The following SH2D6 variants were observed in gnomAD, a reference collection of about 807,000 sequenced individuals.
SH2D6 encodes SH2 domain containing 6.
In SH2D6, 31 loss-of-function variants were observed where a neutral mutation model predicts 30.2. The ratio of observed to expected loss-of-function variants is 1.03; its 90% CI spans 0.77 to 1.38. SH2D6 has a LOEUF of 1.38. SH2D6 is among the 40% of genes most tolerant of loss of function. The pLI, the probability that SH2D6 is intolerant of heterozygous loss-of-function variation, is 0.00. For missense variants in SH2D6, 240 were observed against 266.8 expected (o/e 0.90, Z 0.70); for synonymous variants, 93 against 104.6 (o/e 0.89, Z 0.68).
chr2:85,430,573 GCTGCCC>G lies in SH2D6; in HGVS notation c.173_178del (p.Leu58_Pro59del), dbSNP rs1274960921. On this transcript the variant is annotated inframe_deletion, in exon 12 of 24. Coordinates refer to ENST00000469800, the MANE Select transcript of SH2D6 (RefSeq NM_001394463.1). The surrounding 1 kb of genome is among the most constrained non-coding windows in gnomAD (Gnocchi z 4.3). ...AGGACGAGGAGGAAAATAAGTATGA[GCTGCCC>G]CCCTGTGAGGCTCTGCCCCTCAGTC... is the stretch of plus-strand genomic sequence containing the variant. 6.5e-6 allele frequency: 1 copy of G among 153,224 alleles called. No individual in the cohort carries two copies. The highest frequency in any genetic ancestry group is 1.5e-5 in the Non-Finnish European group (1 of 68,532). The allele number at this position is 153,224 out of a possible 1,614,324, so 9.5% of individuals were successfully genotyped here.
At chr2:85,423,037 G>A (rs1042198010) in intron 5 of SH2D6, among the ~76,000 whole-genome samples, 2 of 152,046 alleles carry the variant, frequency 1.3e-5, no homozygotes, top group African/African-American at 4.8e-5. Context: ...ACAGGCGCGT[G>A]CCACCACGTC....
At chr2:85,426,446 C>T (rs980041413) in intron 6 of SH2D6, among the ~76,000 whole-genome samples, 7 of 152,128 alleles carry the variant, frequency 4.6e-5, no homozygotes, top group Non-Finnish European at 1.0e-4. Flanking sequence ...TAAGGCCGTA[C>T]TCTAATCTTC....
At chr2:85,428,474 TTTAGGGAGGTCA>T (rs1325373732) in intron 6 of SH2D6, 98 bp from the exon 7 acceptor site, 15 of 152,224 alleles carry the variant, frequency 9.9e-5, no homozygotes, top group African/African-American at 3.6e-4. Context: ...AGATAGGGTC[TTTAGGGAGGTCA>T]TTAAGAATAA....
intron 5 of SH2D6, among the ~76,000 whole-genome samples, chr2:85,423,569 G>A (rs1374735348): frequency 7.9e-5 from 12 of 152,182 alleles, no homozygotes; most frequent in Admixed American, 7.9e-4. Flanking sequence ...CCACTGCCAG[G>A]GGAGACAGAG....
chr2:85,434,406 G>A (rs1246648195), intron 18 of SH2D6, 36 bp downstream of exon 18: 1 of 1,550,586 alleles, frequency 6.4e-7, no homozygotes, highest in South Asian at 1.2e-5. Flanking sequence ...AGAGAGGGAG[G>A]CAGGGAGGGA....
chr2:85,434,210 G>C, intron 17 of SH2D6, 99 bp downstream of exon 17: 1 of 1,521,378 alleles, frequency 6.6e-7, no homozygotes, highest in Admixed American at 2.0e-5. Flanking sequence ...CCCTGGGATG[G>C]AATCTCCTTG....
Position 85,436,517 on chromosome 2 carries a change from C to T in SH2D6, c.943C>T (p.Pro315Ser). The T allele has an allele frequency of 6.2e-7, 1 of 1,613,794 alleles. No homozygotes were observed. The highest frequency in any genetic ancestry group is 1.1e-5 in the South Asian group (1 of 91,090). ...CCAGCACTTCATGTGGCACCCTCTGCCCCTTGTGGACAGACACAGCGGCAG... is the reference window on the plus strand; with the variant it reads ...CCAGCACTTCATGTGGCACCCTCTGTCCCTTGTGGACAGACACAGCGGCAG... Reference protein sequence around the residue: ...MVQHFMWHPLPLVDRHSGSRE... With the variant: ...MVQHFMWHPLSLVDRHSGSRE... Residue 315 changes from proline (P) to serine (S), a missense_variant, in exon 23 of 24, where the codon CCC (proline) becomes TCC (serine). Pro to Ser is a moderately conservative substitution (Grantham distance 74). Transcript: ENST00000469800.
At chr2:85,431,503 G>T (rs939390672) in intron 13 of SH2D6, among the ~76,000 whole-genome samples, 2 of 151,988 alleles carry the variant, frequency 1.3e-5, no homozygotes, top group Admixed American at 1.3e-4. Flanking sequence ...CTTCACCCAC[G>T]GTGCCCTTCT....
chr2:85,419,519 G>A (rs1430514324), intron 2 of SH2D6, among the ~76,000 whole-genome samples: 1 of 152,176 alleles, frequency 6.6e-6, no homozygotes, highest in Non-Finnish European at 1.5e-5. Context: ...TCTTTCCAGA[G>A]GCCTCTTCTC....
intron 14 of SH2D6, among the ~76,000 whole-genome samples, chr2:85,432,297 G>A (rs1270749869): frequency 1.3e-5 from 2 of 151,554 alleles, no homozygotes; most frequent in African/African-American, 4.9e-5. Context: ...ACCCATGCTG[G>A]AGTGCAGTGG....
At chr2:85,434,260 T>G (rs1365056636) in intron 17 of SH2D6, 80 bp from the exon 18 acceptor site, 9 of 1,515,100 alleles carry the variant, frequency 5.9e-6, no homozygotes, top group Non-Finnish European at 8.0e-6. Context: ...CAGGGGCAGC[T>G]TGGAATGCTG....
intron 5 of SH2D6, among the ~76,000 whole-genome samples, 165 bp downstream of exon 5, chr2:85,422,855 CAG>C (rs1227880002): frequency 6.6e-6 from 1 of 152,200 alleles, no homozygotes; most frequent in Non-Finnish European, 1.5e-5. Flanking sequence ...TCCGGAAAAA[CAG>C]AGACAAACTA....
intron 16 of SH2D6, 91 bp downstream of exon 16, chr2:85,433,722 T>C: frequency 1.0e-6 from 1 of 995,000 alleles, no homozygotes. Context: ...TCTGCTTCCC[T>C]TGCTGCCTCT....
chr2:85,429,913 GA>G (rs1267443240), intron 9 of SH2D6, 67 bp from the exon 10 acceptor site: 3 of 152,732 alleles, frequency 2.0e-5, no homozygotes, highest in African/African-American at 4.8e-5. Flanking sequence ...GAATGTCCCA[GA>G]ACACAGCGTC....
rs950295074 is a variant in SH2D6, at chr2:85,422,598, G to A, written c.-401G>A. ...GAAGCATTTGGTTTCTGTTCAAGGAGCCATGAGGAGTCACTCAAGGGTTTT... is the reference window on the plus strand; with the variant it reads ...GAAGCATTTGGTTTCTGTTCAAGGAACCATGAGGAGTCACTCAAGGGTTTT... On this transcript the variant is annotated splice_region_variant and 5_prime_UTR_variant, in exon 5 of 24. Coordinates refer to ENST00000469800, the MANE Select transcript of SH2D6 (RefSeq NM_001394463.1). The A allele has an allele frequency of 6.6e-6, 1 of 152,340 alleles. No individual in the cohort carries two copies. The highest frequency in any genetic ancestry group is 2.4e-5 in the African/African-American group (1 of 41,420). 9.4% of individuals were successfully genotyped at this position (152,340 alleles called of 1,614,324 possible). A position where few individuals can be genotyped will look rare whatever the true frequency, so the allele number is the denominator to read the frequency against.
chr2:85,425,460 G>A (rs189368696), intron 6 of SH2D6, 53 bp downstream of exon 6: 54 of 151,976 alleles, frequency 3.6e-4, no homozygotes, highest in African/African-American at 1.2e-3. Flanking sequence ...AGTAGAGACA[G>A]GGTTTCACCA....
intron 12 of SH2D6, 105 bp from the exon 13 acceptor site, chr2:85,431,105 G>A (rs956250431): frequency 6.6e-6 from 1 of 151,838 alleles, no homozygotes; most frequent in African/African-American, 2.4e-5. Flanking sequence ...CAAGGGGAGC[G>A]AGGAAAGGAG....
intron 2 of SH2D6, among the ~76,000 whole-genome samples, chr2:85,419,772 C>T (rs1486006713): frequency 1.3e-5 from 2 of 152,124 alleles, no homozygotes; most frequent in South Asian, 4.1e-4. Context: ...GTGGTTAGTT[C>T]GAGGCGAGCT....
In SH2D6 at chr2:85,423,454, A is replaced by G. The variant is rs1391380150; in HGVS notation, c.-309+764A>G. ...TACCATGTTGGCCAGGCTGGTCTCA[A>G]ACTCCTGACCTCAACAGATCCACCT... On this transcript the variant is annotated intron_variant, in intron 5 of 23. Coordinates refer to ENST00000469800, the MANE Select transcript of SH2D6 (RefSeq NM_001394463.1). Among the ~76,000 whole-genome samples, 4 of 152,052 alleles carry G rather than the reference A, an allele frequency of 2.6e-5. No individual in the cohort carries two copies. In the East Asian group the frequency reaches 7.7e-4, roughly 29 times the overall value.
Sources: gnomAD v4.1 joint callset for allele counts (sites outside exome capture counted in the v4.1 genomes callset) on GRCh38, gnomAD v4.1.1 for gene constraint, Gnocchi (gnomAD v3.1) non-coding constraint, MANE v1.5 for transcripts, NCBI Gene and HGNC (gene_info 2026-07-23, HGNC 2026-07-21) for gene names.